Variants in MTX3 observed in about 807,000 individuals in gnomAD.
MTX3 encodes metaxin 3.
A neutral mutation model predicts 42.5 loss-of-function variants in MTX3; 27 were observed. The observed-to-expected ratio is 0.64, with a 90% CI of 0.47 to 0.88. The LOEUF (loss-of-function observed/expected upper bound fraction) is 0.88, where lower values mean the gene tolerates loss of function less well. Ranked by LOEUF, MTX3 falls within the 40% of genes least tolerant of loss-of-function variation. The pLI is 0.00. For synonymous variants in MTX3, 144 were observed against 132.9 expected, an observed-to-expected ratio of 1.08 and a Z score of -0.57; for missense variants, 378 against 367.0, an observed-to-expected ratio of 1.03 and a Z score of -0.25.
intron 7 of MTX3, 121 bp from the exon 8 acceptor site, chr5:79,985,780 G>C (rs1194734126): frequency 1.6e-6 from 1 of 624,216 alleles, no homozygotes; most frequent in South Asian, 2.1e-5. Context: ...CCCCAAAAAA[G>C]GCAAAGAGGA....
chr5:79,985,972 C>T (rs766649414), intron 7 of MTX3, among the ~76,000 whole-genome samples: 3 of 139,482 alleles, frequency 2.2e-5, no homozygotes, highest in Admixed American at 7.5e-5. Flanking sequence ...TCATTTCCTT[C>T]TCAAGTTTAA....
At chr5:79,985,812 C>T (rs554014681) in intron 7 of MTX3, among the ~76,000 whole-genome samples, 153 bp from the exon 8 acceptor site, 6 of 151,796 alleles carry the variant, frequency 4.0e-5, no homozygotes, top group East Asian at 3.9e-4. Flanking sequence ...GGTTTAAAGG[C>T]GAAGAGAGGG....
At chr5:79,988,407 T>G in intron 5 of MTX3, 55 bp downstream of exon 5, 1 of 1,569,846 alleles carries the variant, frequency 6.4e-7, no homozygotes, top group Non-Finnish European at 8.7e-7. Flanking sequence ...AAGTCTGCAT[T>G]TTATCTTGTC....
intron 2 of MTX3, 48 bp from the exon 3 acceptor site, chr5:79,990,284 C>A: frequency 7.9e-7 from 1 of 1,272,500 alleles, no homozygotes; most frequent in East Asian, 2.5e-5. Context: ...GTGATTTCCT[C>A]TGAGAGATTC....
chr5:79,984,747 T>C (rs1831450274), intron 8 of MTX3, among the ~76,000 whole-genome samples: 1 of 152,084 alleles, frequency 6.6e-6, no homozygotes, highest in Non-Finnish European at 1.5e-5. Context: ...AGTTCCTCAA[T>C]GTTTCTCTCA....
chr5:79,990,580 G>C lies in MTX3; in HGVS notation c.151+14C>G. The C allele has an allele frequency of 1.3e-6, 2 of 1,539,990 alleles. No individual in the cohort carries two copies. Among genetic ancestry groups the C allele is most frequent in the South Asian group, 1.2e-5 (1 of 85,646 alleles). ...AAGAGTGCAGAAAGGGGAGTGTAAA[G>C]GTTTACACTATACCTCTTGAACCTC... On this transcript the variant is annotated intron_variant, in intron 2 of 8. Transcript: ENST00000512528.
chr5:79,985,576 C>T lies in MTX3; in HGVS notation c.823G>A (p.Glu275Lys), dbSNP rs1453027949. 6.2e-7 allele frequency: 1 copy of T among 1,602,084 alleles called. No individual in the cohort carries two copies. The highest frequency in any genetic ancestry group is 8.5e-7 in the Non-Finnish European group (1 of 1,169,832). ...ATGATTGAAGTAGACTTGACCTTTT[C>T]AATCAAGTTGGATTCCTTATTTACA... The part of the protein sequence containing the change: ...QLVNKESNLI[E>K]KMDDNLRQSP... Residue 275 changes from glutamate (E) to lysine (K), a missense_variant, in exon 8 of 9, where the codon GAA (glutamate) becomes AAA (lysine). Transcript: ENST00000512528.
At position 79,983,461 on chromosome 5, in the gene MTX3, C is replaced by T. The variant is rs1002082658; in HGVS notation, c.*223G>A. 8 of 542,362 alleles carry T rather than the reference C, an allele frequency of 1.5e-5. No individual in the cohort carries two copies. The highest frequency in any genetic ancestry group is 2.6e-5 in the Non-Finnish European group (8 of 306,978). 33.6% of individuals were successfully genotyped at this position (542,362 alleles called of 1,614,324 possible). On this transcript the variant is annotated 3_prime_UTR_variant, in exon 9 of 9. Coordinates refer to ENST00000512528, the MANE Select transcript of MTX3 (RefSeq NM_001363818.2). ...CGATGTGTTTTTCTTCCCCGCCCCC[C>T]CAACCAAGTTCATTTAGCATTCTCT... is the stretch of plus-strand genomic sequence containing the variant.
chr5:79,986,848 G>T, intron 7 of MTX3, 102 bp downstream of exon 7: 2 of 1,149,122 alleles, frequency 1.7e-6, no homozygotes, highest in Non-Finnish European at 1.2e-6. Context: ...ACTATTTAAA[G>T]ACAATACACA....
chr5:79,991,009 T>C, intron 1 of MTX3, 149 bp downstream of exon 1: 1 of 869,140 alleles, frequency 1.2e-6, no homozygotes, highest in Non-Finnish European at 1.9e-6. Flanking sequence ...AGGTTGGGAC[T>C]CGTCGGTGGG....
chr5:79,983,487 T>TTTA lies in MTX3; in HGVS notation c.*196_*197insTAA. On this transcript the variant is annotated 3_prime_UTR_variant, in exon 9 of 9. Transcript: ENST00000512528. ...CAACCAAGTTCATTTAGCATTCTCT[T>TTTA]TGTTATTAAAAATGCAGTGCCAAGC... 1.2e-5 allele frequency: 6 copies of TTTA among 501,714 alleles called. No individual in the cohort carries two copies. Among genetic ancestry groups the TTTA allele is most frequent in the East Asian group, 3.7e-5 (1 of 26,684 alleles). 31.1% of individuals were successfully genotyped at this position (501,714 alleles called of 1,614,324 possible). A position where few individuals can be genotyped will look rare whatever the true frequency, so the allele number is the denominator to read the frequency against.
intron 7 of MTX3, chr5:79,986,600 T>C: frequency 2.6e-6 from 1 of 385,328 alleles, no homozygotes; most frequent in Non-Finnish European, 5.0e-6. Flanking sequence ...TTAAAGTAAT[T>C]GTCCATTTGC....
chr5:79,984,066 T>C (rs1831434285), intron 8 of MTX3, among the ~76,000 whole-genome samples: 1 of 152,222 alleles, frequency 6.6e-6, no homozygotes, highest in African/African-American at 2.4e-5. Context: ...TCTACTGAAC[T>C]CAACCATAAC....
intron 8 of MTX3, among the ~76,000 whole-genome samples, chr5:79,985,358 A>G (rs1252490880): frequency 6.6e-6 from 1 of 151,740 alleles, no homozygotes; most frequent in Non-Finnish European, 1.5e-5. Flanking sequence ...TAAACCCAAT[A>G]CTCTTATCTG....
At chr5:79,985,326 G>C (rs937037613) in intron 8 of MTX3, among the ~76,000 whole-genome samples, 15 of 151,982 alleles carry the variant, frequency 9.9e-5, no homozygotes, top group Admixed American at 3.9e-4. Flanking sequence ...TAGCTTAAAG[G>C]GTACTAACTG....
intron 2 of MTX3, 125 bp downstream of exon 2, chr5:79,990,469 C>T: frequency 1.4e-6 from 1 of 726,538 alleles, no homozygotes; most frequent in Non-Finnish European, 2.2e-6. Flanking sequence ...AAACCATAAA[C>T]AACACAGAGC....
intron 1 of MTX3, 108 bp downstream of exon 1, chr5:79,991,050 G>T (rs1230262557): frequency 4.4e-6 from 5 of 1,132,970 alleles, no homozygotes; most frequent in African/African-American, 1.5e-5. Flanking sequence ...GCGTGCAGCG[G>T]CTCGGCCCTC....
chr5:79,981,005 G>T lies in MTX3; in HGVS notation c.*2679C>A. The T allele has an allele frequency of 6.6e-6, 1 of 151,510 alleles. No individual in the cohort carries two copies. The highest frequency in any genetic ancestry group is 1.5e-5 in the Non-Finnish European group (1 of 67,946). The allele number at this position is 151,510 out of a possible 1,614,324, so 9.4% of individuals were successfully genotyped here. A position where few individuals can be genotyped will look rare whatever the true frequency, so the allele number is the denominator to read the frequency against. On this transcript the variant is annotated 3_prime_UTR_variant, in exon 9 of 9. Transcript: ENST00000512528. ...GAGCAACATGGTGAAACCCCGTCTC[G>T]ACTAAAAAAAAAACAAAATTAGCTG...
chr5:79,989,094 A>C (rs981032207), intron 4 of MTX3, 58 bp downstream of exon 4: 2 of 1,205,528 alleles, frequency 1.7e-6, no homozygotes, highest in Non-Finnish European at 2.3e-6. Flanking sequence ...TTTTCTAAAC[A>C]GACTATGTAC....
Sources: allele counts gnomAD v4.1 joint callset (sites outside exome capture counted in the v4.1 genomes callset), GRCh38; gene constraint gnomAD v4.1.1; transcripts MANE v1.5; gene names NCBI Gene and HGNC (gene_info 2026-07-23, HGNC 2026-07-21).